Variants in TNNI3K observed in about 807,000 individuals in gnomAD.
The protein encoded by TNNI3K is serine/threonine-protein kinase TNNI3K.
In TNNI3K, 140 loss-of-function variants were observed where a neutral mutation model predicts 114.5. That is an observed-to-expected ratio of 1.22 (90% confidence interval 1.07 to 1.41). TNNI3K has a LOEUF of 1.41. Among genes scored for constraint, TNNI3K ranks in the 40% most tolerant of loss-of-function variants. TNNI3K has a pLI of 0.00. For synonymous variants in TNNI3K, 347 were observed against 347.5 expected (o/e 1.00, Z 0.02); for missense variants, 1,125 against 1,007.6 (o/e 1.12, Z -1.58).
chr1:74,484,131 A>AC lies in TNNI3K; in HGVS notation c.2122-5052dup, dbSNP rs1454060057. Among the ~76,000 whole-genome samples the AC allele has an allele frequency of 2.0e-5, 3 of 151,654 alleles. No individual in the cohort carries two copies. The South Asian group carries it at 6.3e-4, about 32-fold the overall frequency. The stretch of plus-strand genomic sequence containing the variant: ...TTACCTTTATTTTAAAGCTTTCTCA[A>AC]CCCCCCAGTGAAATATTTAACATCA... On this transcript the variant is annotated intron_variant, in intron 21 of 24. Transcript: ENST00000326637.
At chr1:74,416,996 A>G (rs1453572110) in intron 17 of TNNI3K, among the ~76,000 whole-genome samples, 1 of 151,988 alleles carries the variant, frequency 6.6e-6, no homozygotes, top group Non-Finnish European at 1.5e-5. Flanking sequence ...CCAGAATCCT[A>G]TGGCTATCTA....
Position 74,250,576 on chromosome 1 carries a change from T to C in TNNI3K, c.236-96T>C, listed in dbSNP as rs1312187464. ...CCTGCAGAACGCAGCTTGACATTTT[T>C]ATACAGCTGTATGGCATTTATCATT... On this transcript the variant is annotated intron_variant, in intron 3 of 24. Coordinates refer to ENST00000326637, the MANE Select transcript of TNNI3K (RefSeq NM_015978.3). 4 of 1,135,448 alleles carry C rather than the reference T, an allele frequency of 3.5e-6. No individual in the cohort carries two copies. In the East Asian group the frequency reaches 8.6e-5, roughly 24 times the overall value. 70.3% of individuals were successfully genotyped at this position (1,135,448 alleles called of 1,614,324 possible). A position where few individuals can be genotyped will look rare whatever the true frequency, so the allele number is the denominator to read the frequency against.
At chr1:74,307,690 G>A (rs918114546) in intron 5 of TNNI3K, among the ~76,000 whole-genome samples, 3 of 152,146 alleles carry the variant, frequency 2.0e-5, no homozygotes, top group Non-Finnish European at 2.9e-5. Context: ...TTCAGTAACA[G>A]TGGAGGACGG....
chr1:74,340,265 C>T (rs1321435247), intron 7 of TNNI3K, among the ~76,000 whole-genome samples: 1 of 152,066 alleles, frequency 6.6e-6, no homozygotes, highest in African/African-American at 2.4e-5. Flanking sequence ...AAACAGAGCA[C>T]CAGGAACTAG....
At chr1:74,244,094 C>T (rs1654408245) in intron 2 of TNNI3K, among the ~76,000 whole-genome samples, 1 of 152,046 alleles carries the variant, frequency 6.6e-6, no homozygotes, top group African/African-American at 2.4e-5. Context: ...AAACGTTTGA[C>T]TAGAAGTTAA....
chr1:74,493,400 A>G (rs1475452598), intron 23 of TNNI3K, among the ~76,000 whole-genome samples: 3 of 152,206 alleles, frequency 2.0e-5, no homozygotes, highest in Non-Finnish European at 4.4e-5. Flanking sequence ...AAACAAAAAG[A>G]TTAAGCAAAA....
chr1:74,527,562 G>C (rs1646519600), intron 23 of TNNI3K, among the ~76,000 whole-genome samples: 2 of 152,160 alleles, frequency 1.3e-5, no homozygotes, highest in South Asian at 2.1e-4. Context: ...TGGTGGATAG[G>C]GAGGGGAGAC....
chr1:74,237,987 T>C (rs553954310), intron 2 of TNNI3K, among the ~76,000 whole-genome samples: 1 of 151,896 alleles, frequency 6.6e-6, no homozygotes, highest in Non-Finnish European at 1.5e-5. Flanking sequence ...TGTGTCAAGG[T>C]CTGCCTGACT....
At chr1:74,331,366 A>G in intron 5 of TNNI3K, 84 bp from the exon 6 acceptor site, 1 of 1,396,290 alleles carries the variant, frequency 7.2e-7, no homozygotes, top group Non-Finnish European at 9.7e-7. Flanking sequence ...CCTGATGAAG[A>G]TTTGTGCATG....
Position 74,519,526 on chromosome 1 carries a change from G to T in TNNI3K, c.2352-20708G>T, listed in dbSNP as rs112201400. Among the ~76,000 whole-genome samples, 487 of 125,692 alleles carry T rather than the reference G, an allele frequency of 3.9e-3. 92 individuals carry two copies. Among genetic ancestry groups the T allele is most frequent in the African/African-American group, 0.02 (453 of 22,152 alleles). The allele number at this position is 125,692 out of a possible 152,430, so 82.5% of individuals were successfully genotyped here. Reference sequence around the variant, plus strand: ...AGTGTAAAAGTGTTCCTATTTCTCCGCATCCTCTCCAGCACCTGTTGTTTC... The same window carrying T: ...AGTGTAAAAGTGTTCCTATTTCTCCTCATCCTCTCCAGCACCTGTTGTTTC... On this transcript the variant is annotated intron_variant, in intron 23 of 24. Coordinates refer to ENST00000326637, the MANE Select transcript of TNNI3K (RefSeq NM_015978.3).
At chr1:74,268,816 A>G (rs567763002) in intron 4 of TNNI3K, among the ~76,000 whole-genome samples, 12 of 151,876 alleles carry the variant, frequency 7.9e-5, no homozygotes, top group African/African-American at 2.9e-4. Flanking sequence ...GAAACATTTT[A>G]CTTCTGCCTC....
intron 23 of TNNI3K, among the ~76,000 whole-genome samples, chr1:74,538,918 A>G (rs1033802384): frequency 2.0e-5 from 3 of 152,232 alleles, no homozygotes; most frequent in Admixed American, 2.0e-4. Context: ...AGGAAGGACC[A>G]GAACCTTATA....
At chr1:74,355,204 A>G (rs1162286035) in intron 11 of TNNI3K, among the ~76,000 whole-genome samples, 1 of 152,238 alleles carries the variant, frequency 6.6e-6, no homozygotes, top group Non-Finnish European at 1.5e-5. Flanking sequence ...AAAGAAACAT[A>G]GTTATCTTTT....
At chr1:74,411,262 T>C (rs1232010418) in intron 17 of TNNI3K, among the ~76,000 whole-genome samples, 2 of 152,168 alleles carry the variant, frequency 1.3e-5, no homozygotes, top group Non-Finnish European at 2.9e-5. Context: ...CAGGTAAGGC[T>C]CTATTTAACT....
Position 74,496,754 on chromosome 1 carries a change from C to A in TNNI3K, c.2351+4488C>A, listed in dbSNP as rs79264521. ...TGAGAAAGGCACTCTTGAAGTTCTG[C>A]CTCTTTTAAAATATTTTGTGCCTCT... is the stretch of plus-strand genomic sequence containing the variant. On this transcript the variant is annotated intron_variant, in intron 23 of 24. Coordinates refer to ENST00000326637, the MANE Select transcript of TNNI3K (RefSeq NM_015978.3). Among the ~76,000 whole-genome samples, 577 of 152,198 alleles carry A rather than the reference C, an allele frequency of 3.8e-3. 18 individuals are homozygous for A. In the East Asian group the frequency reaches 0.078, roughly 21 times the overall value.
At chr1:74,352,553 C>T (rs1433552059) in intron 9 of TNNI3K, among the ~76,000 whole-genome samples, 12 of 152,192 alleles carry the variant, frequency 7.9e-5, no homozygotes, top group Non-Finnish European at 1.3e-4. Context: ...TTGTCTGTGC[C>T]GTGCCCCCAG....
intron 9 of TNNI3K, among the ~76,000 whole-genome samples, chr1:74,353,010 T>C (rs559258612): frequency 3.3e-5 from 5 of 152,290 alleles, no homozygotes; most frequent in African/African-American, 1.2e-4. Flanking sequence ...AGTACCTCAG[T>C]TGGAAATGCA....
At chr1:74,446,721 G>A (rs1024668519) in intron 20 of TNNI3K, among the ~76,000 whole-genome samples, 2 of 143,606 alleles carry the variant, frequency 1.4e-5, no homozygotes, top group East Asian at 2.1e-4. Context: ...TTTTGTATAA[G>A]GTGTAAGGAA....
chr1:74,372,690 A>T (rs1031203626), intron 17 of TNNI3K: 2 of 151,980 alleles, frequency 1.3e-5, no homozygotes, highest in South Asian at 2.1e-4. Flanking sequence ...ATTAAAACAA[A>T]TGAGTAATCA....
Sources: allele counts gnomAD v4.1 joint callset (sites outside exome capture counted in the v4.1 genomes callset), GRCh38; gene constraint gnomAD v4.1.1; transcripts MANE v1.5; gene names NCBI Gene and HGNC (gene_info 2026-07-23, HGNC 2026-07-21).